ODR4: variants seen among roughly 807,000 people sequenced by gnomAD.
The protein encoded by ODR4 is odr-4 GPCR localization factor homolog.
Under a neutral mutation model 60.2 loss-of-function variants are expected in ODR4, and 47 were observed. The observed-to-expected ratio is 0.78, with a 90% CI of 0.62 to 1.00. ODR4 has a LOEUF of 1.00. Among genes scored for constraint, ODR4 ranks in the 50% least tolerant of loss-of-function variants. The pLI, the probability that ODR4 is intolerant of heterozygous loss-of-function variation, is 0.00. For synonymous variants in ODR4, 178 were observed against 175.5 expected (o/e 1.01, Z -0.11); for missense variants, 488 against 530.8 (o/e 0.92, Z 0.79).
At chr1:186,401,730 C>T (rs1660962392) in intron 11 of ODR4, among the ~76,000 whole-genome samples, 1 of 151,946 alleles carries the variant, frequency 6.6e-6, no homozygotes, top group Non-Finnish European at 1.5e-5. Flanking sequence ...GATGTATTAT[C>T]TTTTTGATGT....
downstream of ODR4, among the ~76,000 whole-genome samples, chr1:186,423,936 A>G (rs866637848): frequency 1.4e-4 from 21 of 152,374 alleles, no homozygotes; most frequent in African/African-American, 5.0e-4. Flanking sequence ...AACAATACCA[A>G]TAAAGATGAT....
At chr1:186,400,794 A>G in intron 11 of ODR4, 2 of 345,556 alleles carry the variant, frequency 5.8e-6, no homozygotes, top group Non-Finnish European at 1.0e-5. Context: ...AGTTCCATTT[A>G]CTAATAATTT....
chr1:186,403,581 T>G (rs1009696651), intron 11 of ODR4, among the ~76,000 whole-genome samples: 6 of 152,050 alleles, frequency 3.9e-5, no homozygotes, highest in African/African-American at 1.4e-4. Context: ...AAGGACATAA[T>G]AACTTTATAT....
chr1:186,425,319 C>T (rs1257537335), downstream of ODR4, among the ~76,000 whole-genome samples: 2 of 152,204 alleles, frequency 1.3e-5, no homozygotes, highest in South Asian at 4.1e-4. Flanking sequence ...AATATACACT[C>T]TTGTTTAAAA....
intron 10 of ODR4, 45 bp downstream of exon 10, chr1:186,398,486 A>C (rs1183327533): frequency 1.3e-6 from 2 of 1,523,448 alleles, no homozygotes; most frequent in African/African-American, 2.8e-5. Context: ...TTAACTATTA[A>C]CAAAAACCTA....
At chr1:186,380,213 C>T (rs1659971483) in intron 2 of ODR4, among the ~76,000 whole-genome samples, 1 of 152,130 alleles carries the variant, frequency 6.6e-6, no homozygotes, top group Non-Finnish European at 1.5e-5. Flanking sequence ...GTATTCCCTT[C>T]TAATCTTTTT....
intron 12 of ODR4, among the ~76,000 whole-genome samples, chr1:186,407,172 T>C (rs1661203810): frequency 6.6e-6 from 1 of 152,096 alleles, no homozygotes; most frequent in African/African-American, 2.4e-5. Flanking sequence ...AATTTCTAAA[T>C]TGCCCAATGC....
chr1:186,411,842 A>T (rs1012394221), intron 12 of ODR4: 16 of 977,470 alleles, frequency 1.6e-5, no homozygotes, highest in Non-Finnish European at 1.9e-5. Context: ...CAGTAGGAAG[A>T]GTTTAATATT....
the ODR4 span, among the ~76,000 whole-genome samples, chr1:186,427,053 CAT>C: frequency 2.6e-5 from 4 of 152,174 alleles, no homozygotes; most frequent in Admixed American, 2.6e-4. Flanking sequence ...AACCTTCAGT[CAT>C]AATCTTTTTG....
chr1:186,434,048 A>G, the ODR4 span, among the ~76,000 whole-genome samples: 12 of 152,276 alleles, frequency 7.9e-5, no homozygotes, highest in East Asian at 1.7e-3. Flanking sequence ...AGTTTTTACT[A>G]TGTATATTCT....
chr1:186,414,741 C>A (rs190923298), intron 12 of ODR4, among the ~76,000 whole-genome samples: 1 of 152,156 alleles, frequency 6.6e-6, no homozygotes, highest in East Asian at 1.9e-4. Context: ...AGGATGATCT[C>A]GATCTCCTGA....
chr1:186,379,735 T>TA (rs1659953309), intron 1 of ODR4, 32 bp from the exon 2 acceptor site: 1 of 1,164,424 alleles, frequency 8.6e-7, no homozygotes, highest in Non-Finnish European at 1.2e-6. Flanking sequence ...ATATTTTACC[T>TA]AAATGCTGTA....
intron 12 of ODR4, among the ~76,000 whole-genome samples, chr1:186,407,201 A>C (rs1313319184): frequency 6.6e-6 from 1 of 152,138 alleles, no homozygotes; most frequent in Non-Finnish European, 1.5e-5. Context: ...AAAATAAAGA[A>C]GAGCTACTTT....
chr1:186,434,116 G>A, the ODR4 span, among the ~76,000 whole-genome samples: 3 of 150,962 alleles, frequency 2.0e-5, no homozygotes, highest in Admixed American at 2.0e-4. Context: ...TAGTGGTACT[G>A]TACCATTTTA....
chr1:186,394,069 C>T lies in ODR4; in HGVS notation c.780+54C>T, dbSNP rs1660575904. Reference sequence around the variant, plus strand: ...ATTTATTAGCATAACCATAATGAAACTGTTTCTGTTTTTATTTTTCTCATT... The same window carrying T: ...ATTTATTAGCATAACCATAATGAAATTGTTTCTGTTTTTATTTTTCTCATT... On this transcript the variant is annotated intron_variant, in intron 9 of 13. Coordinates refer to ENST00000287859, the MANE Select transcript of ODR4 (RefSeq NM_017847.6). 3.0e-6 allele frequency: 3 copies of T among 1,000,350 alleles called. No homozygotes were observed. In the South Asian group the frequency reaches 4.7e-5, roughly 16 times the overall value. The allele number at this position is 1,000,350 out of a possible 1,614,324, so 62.0% of individuals were successfully genotyped here. A position where few individuals can be genotyped will look rare whatever the true frequency, so the allele number is the denominator to read the frequency against.
chr1:186,381,092 T>C (rs1660001320), intron 2 of ODR4, among the ~76,000 whole-genome samples: 1 of 152,240 alleles, frequency 6.6e-6, no homozygotes, highest in African/African-American at 2.4e-5. Context: ...AATTTCTTTT[T>C]AATTCAGTTG....
intron 11 of ODR4, among the ~76,000 whole-genome samples, chr1:186,400,265 C>T (rs1482995275): frequency 6.7e-6 from 1 of 148,550 alleles, no homozygotes; most frequent in African/African-American, 2.5e-5. Flanking sequence ...GCTGGGATTA[C>T]AGGCATGAGC....
chr1:186,409,099 A>T (rs1661277863), intron 12 of ODR4, among the ~76,000 whole-genome samples: 1 of 152,048 alleles, frequency 6.6e-6, no homozygotes, highest in African/African-American at 2.4e-5. Flanking sequence ...CCCTGTCTCT[A>T]CAATAAAAAT....
intron 5 of ODR4, among the ~76,000 whole-genome samples, chr1:186,388,813 C>T (rs1660347325): frequency 6.6e-6 from 1 of 152,154 alleles, no homozygotes; most frequent in African/African-American, 2.4e-5. Context: ...CTGCCCTGTA[C>T]ATCCAAGCAC....
Sources: gnomAD v4.1 joint callset for allele counts (sites outside exome capture counted in the v4.1 genomes callset) on GRCh38, gnomAD v4.1.1 for gene constraint, MANE v1.5 for transcripts, NCBI Gene and HGNC (gene_info 2026-07-23, HGNC 2026-07-21) for gene names.